Variants in SLC25A36 observed in about 807,000 individuals in gnomAD.
The protein encoded by SLC25A36 is solute carrier family 25 member 36.
SLC25A36 carries 24 observed loss-of-function variants against 35.3 expected under a neutral mutation model. The ratio of observed to expected loss-of-function variants is 0.68; its 90% CI spans 0.49 to 0.96. The LOEUF is 0.96. SLC25A36 is among the 40% of genes least tolerant of loss of function. The pLI, the probability that SLC25A36 is intolerant of heterozygous loss-of-function variation, is 0.00. For missense variants in SLC25A36, 294 were observed against 381.1 expected (o/e 0.77, Z 1.90); for synonymous variants, 141 against 132.2 (o/e 1.07, Z -0.46).
chr3:140,953,689 G>A (rs557644819), intron 1 of SLC25A36, among the ~76,000 whole-genome samples: 1 of 152,166 alleles, frequency 6.6e-6, no homozygotes, highest in Non-Finnish European at 1.5e-5. Flanking sequence ...GGGCCTAGTG[G>A]TTCATGCTTA....
At position 140,941,890 on chromosome 3, in the gene SLC25A36, G is replaced by A; in HGVS notation, c.-165G>A. On this transcript the variant is annotated 5_prime_UTR_variant, in exon 1 of 7. Coordinates refer to ENST00000324194, the MANE Select transcript of SLC25A36 (RefSeq NM_001104647.3). ...CAGGCGGTGGCGCGGCTGGAGTGCC[G>A]CGGGGAGGGCTGTGCCGGTTGCTTT... is the stretch of plus-strand genomic sequence containing the variant. The A allele has an allele frequency of 3.9e-6, 2 of 512,812 alleles. No homozygotes were observed. Among genetic ancestry groups the A allele is most frequent in the South Asian group, 2.7e-5 (1 of 36,664 alleles). 31.8% of individuals were successfully genotyped at this position (512,812 alleles called of 1,614,324 possible).
chr3:140,972,873 G>T (rs867499905), intron 5 of SLC25A36: 1 of 152,016 alleles, frequency 6.6e-6, no homozygotes, highest in Non-Finnish European at 1.5e-5. Flanking sequence ...AAACAAGTTA[G>T]GTATAATTTA....
At chr3:140,952,019 CTT>C (rs200986661) in intron 1 of SLC25A36, among the ~76,000 whole-genome samples, 62 of 137,308 alleles carry the variant, frequency 4.5e-4, no homozygotes, top group African/African-American at 5.4e-4. Flanking sequence ...TTCTTTCTCT[CTT>C]TTTTTTTTTT....
At chr3:140,965,250 G>A (rs1934730577) in intron 4 of SLC25A36, 1 of 151,552 alleles carries the variant, frequency 6.6e-6, no homozygotes, top group African/African-American at 2.4e-5. Flanking sequence ...CTTTGTTCTT[G>A]AAATAATCTA....
Position 140,951,212 on chromosome 3 carries a change from A to C in SLC25A36, c.42-5315A>C, listed in dbSNP as rs1576477701. ...CTCTGGGCCTCTCTGTTCTTCTGGCATATTCCTTTAGACAGTGAGATTTTT... is the reference window on the plus strand; with the variant it reads ...CTCTGGGCCTCTCTGTTCTTCTGGCCTATTCCTTTAGACAGTGAGATTTTT... On this transcript the variant is annotated intron_variant, in intron 1 of 6. Transcript: ENST00000324194. Among the ~76,000 whole-genome samples, 4 of 152,134 alleles carry C rather than the reference A, an allele frequency of 2.6e-5. No homozygotes were observed. The South Asian group carries it at 8.3e-4, about 31-fold the overall frequency.
chr3:140,975,091 TAC>T (rs1491058418), intron 6 of SLC25A36, among the ~76,000 whole-genome samples: 1 of 135,226 alleles, frequency 7.4e-6, no homozygotes, highest in Non-Finnish European at 1.6e-5. Context: ...ATAAACAAGA[TAC>T]ATTCTTTTTT....
At chr3:140,942,225 GCCACGGGCCTGCGGGTGAGGGGAGCGA>G (rs1289298969) in intron 1 of SLC25A36, 130 bp downstream of exon 1, 1 of 364,748 alleles carries the variant, frequency 2.7e-6, no homozygotes, top group Non-Finnish European at 4.4e-6. Flanking sequence ...GCGGGGAGCT[GCCACGGGCCTGCGGGTGAGGGGAGCGA>G]CCCAGCCCGT....
chr3:140,954,378 T>C lies in SLC25A36; in HGVS notation c.42-2149T>C, dbSNP rs569847857. ...TCATGAACAAGTCTTTCTGTGGACA[T>C]GTCTGTTCATTTCTCTTGGGTCAGT... is the stretch of plus-strand genomic sequence containing the variant. On this transcript the variant is annotated intron_variant, in intron 1 of 6. Transcript: ENST00000324194. Among the ~76,000 whole-genome samples, 22 of 152,338 alleles carry C rather than the reference T, an allele frequency of 1.4e-4. No homozygotes were observed. In the South Asian group the frequency reaches 1.4e-3, roughly 10 times the overall value.
chr3:140,952,317 CTCTT>C (rs566836999), intron 1 of SLC25A36, among the ~76,000 whole-genome samples: 35 of 152,200 alleles, frequency 2.3e-4, no homozygotes, highest in African/African-American at 7.5e-4. Context: ...AACGCCCGGC[CTCTT>C]TCTTTCTTTT....
intron 1 of SLC25A36, among the ~76,000 whole-genome samples, chr3:140,953,664 G>A (rs186055791): frequency 1.3e-5 from 2 of 152,124 alleles, no homozygotes; most frequent in Non-Finnish European, 2.9e-5. Context: ...CACTACCATA[G>A]TCAGGATATT....
chr3:140,947,204 T>G (rs1472903236), intron 1 of SLC25A36, among the ~76,000 whole-genome samples: 1 of 152,226 alleles, frequency 6.6e-6, no homozygotes, highest in South Asian at 2.1e-4. Flanking sequence ...CTTTGGTGAC[T>G]TTTAGTAATT....
At chr3:140,942,804 T>A (rs894171993) in intron 1 of SLC25A36, 1 of 152,242 alleles carries the variant, frequency 6.6e-6, no homozygotes, top group African/African-American at 2.4e-5. Flanking sequence ...AGGGTGTTTC[T>A]AGCCCTTGGA....
chr3:140,974,285 G>A (rs1934980927), intron 6 of SLC25A36, among the ~76,000 whole-genome samples: 1 of 151,640 alleles, frequency 6.6e-6, no homozygotes, highest in South Asian at 2.1e-4. Flanking sequence ...TCTAAGTTTT[G>A]AAAAAAGTAT....
In SLC25A36 at chr3:140,956,612, A is replaced by G. The variant is rs1024260938; in HGVS notation, c.127A>G (p.Ile43Val). 6.2e-6 allele frequency: 10 copies of G among 1,611,946 alleles called. No individual in the cohort carries two copies. Among genetic ancestry groups the G allele is most frequent in the Non-Finnish European group, 8.5e-6 (10 of 1,179,754 alleles). The change falls in exon 2 of 7, where the codon ATT becomes GTT. Residue 43 changes from isoleucine to valine, a missense_variant. Ile to Val is a conservative substitution (Grantham distance 29). Around this residue, in one of 2 missense-constraint regions of SLC25A36, gnomAD observed 185 missense variants for 201.5 expected, o/e 0.92. Coordinates refer to ENST00000324194, the MANE Select transcript of SLC25A36 (RefSeq NM_001104647.3). ...RLQSSSVTLYISEVQLNTMAG... is the reference protein window; with the variant it reads ...RLQSSSVTLYVSEVQLNTMAG... ...GCAGTCATCTTCTGTGACGCTTTAT[A>G]TTTCTGAAGTTCAGCTGAACACCAT...
At chr3:140,962,581 A>C (rs1934656783) in intron 3 of SLC25A36, among the ~76,000 whole-genome samples, 1 of 152,150 alleles carries the variant, frequency 6.6e-6, no homozygotes, top group Admixed American at 6.5e-5. Context: ...ATACCACAGT[A>C]TCTTAAAATT....
At chr3:140,971,725 C>T (rs1026897710) in intron 5 of SLC25A36, among the ~76,000 whole-genome samples, 1 of 152,136 alleles carries the variant, frequency 6.6e-6, no homozygotes, top group Non-Finnish European at 1.5e-5. Context: ...CTCCTACTGG[C>T]TTTAGAATAG....
intron 1 of SLC25A36, among the ~76,000 whole-genome samples, chr3:140,947,084 C>G (rs1019201968): frequency 6.6e-6 from 1 of 152,120 alleles, no homozygotes. Flanking sequence ...ATCCTGAAAT[C>G]CAAATGGAGC....
chr3:140,975,097 C>CTTTTTTTTTTT (rs10662120), intron 6 of SLC25A36, among the ~76,000 whole-genome samples: 1,041 of 55,114 alleles, frequency 0.019, 345 homozygotes, highest in Middle Eastern at 0.034. Context: ...AAGATACATT[C>CTTTTTTTTTTT]TTTTTTTTTT....
At chr3:140,952,535 A>G (rs542080649) in intron 1 of SLC25A36, among the ~76,000 whole-genome samples, 1 of 152,338 alleles carries the variant, frequency 6.6e-6, no homozygotes, top group African/African-American at 2.4e-5. Flanking sequence ...CAAAATATTC[A>G]TAAGACTTCT....
Sources: allele counts gnomAD v4.1 joint callset (sites outside exome capture counted in the v4.1 genomes callset), GRCh38; gene constraint gnomAD v4.1.1; regional missense constraint gnomAD v4.1.1; transcripts MANE v1.5; gene names NCBI Gene and HGNC (gene_info 2026-07-23, HGNC 2026-07-21).